The following MYOM2 variants were observed in gnomAD, a reference collection of about 807,000 sequenced individuals.
MYOM2 encodes myomesin-2.
In MYOM2, 254 loss-of-function variants were observed where a neutral mutation model predicts 187.6. The ratio of observed to expected loss-of-function variants is 1.35; its 90% CI spans 1.22 to 1.50. The LOEUF is 1.50. Ranked by LOEUF, MYOM2 falls within the 40% of genes most tolerant of loss-of-function variation. MYOM2 has a pLI of 0.00. For synonymous variants in MYOM2, 981 were observed against 753.8 expected, an observed-to-expected ratio of 1.30 and a Z score of -4.94; for missense variants, 2,796 against 1,924.0, an observed-to-expected ratio of 1.45 and a Z score of -8.48.
rs529885262 is a variant in MYOM2, at chr8:2,142,524, C to T, written c.4024+127C>T. On this transcript the variant is annotated intron_variant, in intron 35 of 36. Transcript: ENST00000262113. ...GCAATCCCCCACCCTGATGTAACAA[C>T]GCCACCAACACCACACCCTGTCCTG... The T allele has an allele frequency of 3.1e-4, 281 of 895,590 alleles. 1 individual carries two copies. The highest frequency in any genetic ancestry group is 2.4e-4 in the African/African-American group (15 of 61,382). 55.5% of individuals were successfully genotyped at this position (895,590 alleles called of 1,614,324 possible).
At position 2,078,779 on chromosome 8, in the gene MYOM2, G is replaced by T; in HGVS notation, c.1308G>T (p.Pro436=). 1.2e-6 allele frequency: 2 copies of T among 1,614,140 alleles called. No individual in the cohort carries two copies. Among genetic ancestry groups the T allele is most frequent in the East Asian group, 2.2e-5 (1 of 44,878 alleles). ...TNNWVQCNDA[P]VKICKYPVTG... ...ATTGGGTGCAGTGCAATGATGCACC[G>T]GTGAAAATCTGCAAATACCCGGTCA... The change falls in exon 12 of 37, where the codon CCG becomes CCT. Residue 436 remains proline, a synonymous_variant. Coordinates refer to ENST00000262113, the MANE Select transcript of MYOM2 (RefSeq NM_003970.4).
At chr8:2,073,010 G>T (rs1005549044) in intron 9 of MYOM2, among the ~76,000 whole-genome samples, 9 of 152,214 alleles carry the variant, frequency 5.9e-5, no homozygotes, top group African/African-American at 2.2e-4. Flanking sequence ...GCGGGGGGAA[G>T]CCGGTTGGGG....
chr8:2,120,680 T>TATATATATATATATATATAATA lies in MYOM2; in HGVS notation c.3454-2572_3454-2571insATATATATATATATATATAATA. Among the ~76,000 whole-genome samples the TATATATATATATATATATAATA allele has an allele frequency of 1.0e-4, 5 of 48,300 alleles. 1 individual carries two copies. Among genetic ancestry groups the TATATATATATATATATATAATA allele is most frequent in the Non-Finnish European group, 2.0e-4 (5 of 24,478 alleles). 31.7% of individuals were successfully genotyped at this position (48,300 alleles called of 152,430 possible). A position where few individuals can be genotyped will look rare whatever the true frequency, so the allele number is the denominator to read the frequency against. ...CCTGTATATATATATATATATTATA[T>TATATATATATATATATATAATA]TATATATAAATATATAATATATATA... is the stretch of plus-strand genomic sequence containing the variant. On this transcript the variant is annotated intron_variant, in intron 28 of 36. Coordinates refer to ENST00000262113, the MANE Select transcript of MYOM2 (RefSeq NM_003970.4).
intron 19 of MYOM2, 119 bp downstream of exon 19, chr8:2,099,102 G>A (rs1358029279): frequency 9.0e-6 from 12 of 1,327,986 alleles, no homozygotes; most frequent in South Asian, 1.6e-5. Flanking sequence ...TCCGACACCC[G>A]CAGCCGCAGA....
intron 10 of MYOM2, 96 bp downstream of exon 10, chr8:2,073,596 G>A: frequency 1.4e-6 from 2 of 1,398,002 alleles, no homozygotes; most frequent in East Asian, 2.5e-5. Flanking sequence ...AAGGAGTCCA[G>A]AGGGTGTGAG....
At chr8:2,133,747 C>G (rs191013519) in intron 32 of MYOM2, among the ~76,000 whole-genome samples, 1 of 151,166 alleles carries the variant, frequency 6.6e-6, no homozygotes, top group African/African-American at 2.5e-5. Flanking sequence ...AGGTGTGAGC[C>G]ACAGTGTCTG....
Position 2,123,329 on chromosome 8 carries a change from C to T in MYOM2, c.3531C>T (p.Asn1177=). The change falls in exon 29 of 37, where the codon AAC becomes AAT. Residue 1177 remains asparagine (N), a synonymous_variant. Transcript: ENST00000262113. ...TGTATGAAACGGAGACACTGCCTAA[C>T]CTGGAGAGGGGAATCTGTGAGCTCC... is the stretch of plus-strand genomic sequence containing the variant. ...DVLYETETLP[N]LERGICELLI... is the part of the protein sequence containing the mutation. 1 of 1,613,716 alleles carries T rather than the reference C, an allele frequency of 6.2e-7. No homozygotes were observed. The highest frequency in any genetic ancestry group is 1.1e-5 in the South Asian group (1 of 91,000).
intron 3 of MYOM2, among the ~76,000 whole-genome samples, chr8:2,055,281 C>A (rs1026067927): frequency 6.6e-6 from 1 of 152,178 alleles, no homozygotes; most frequent in Non-Finnish European, 1.5e-5. Context: ...GTGGCACGTG[C>A]TCTGCAGGAG....
intron 13 of MYOM2, among the ~76,000 whole-genome samples, chr8:2,084,469 C>T (rs1164168806): frequency 6.6e-6 from 1 of 152,136 alleles, no homozygotes; most frequent in South Asian, 2.1e-4. Flanking sequence ...TAATCATGTG[C>T]TAATCTAATT....
intron 19 of MYOM2, 55 bp from the exon 20 acceptor site, chr8:2,100,818 CGGT>C (rs1796681010): frequency 6.4e-7 from 1 of 1,574,138 alleles, no homozygotes; most frequent in African/African-American, 1.3e-5. Flanking sequence ...CTGGGTTGGG[CGGT>C]GGGTGTGCTG....
rs1266363929 is a variant in MYOM2 at position 2,144,860 on chromosome 8, G to C, written c.4277G>C (p.Gly1426Ala). 7 of 1,614,036 alleles carry C rather than the reference G, an allele frequency of 4.3e-6. No individual in the cohort carries two copies. The Middle Eastern group carries it at 6.6e-4, about 152-fold the overall frequency. ...ATCAACATCAAGAATAAGTATGGCG[G>C]GGAGAAGATCGACGTGACAGTGAGC... Reference protein sequence around the residue: ...YSINIKNKYGGEKIDVTVSVY... With the variant: ...YSINIKNKYGAEKIDVTVSVY... Residue 1426 changes from glycine (G) to alanine (A), a missense_variant, in exon 37 of 37, where the codon GGG becomes GCG. By Grantham distance (60) the Gly-to-Ala change is moderately conservative. Transcript: ENST00000262113.
rs1372390131 is a variant in MYOM2 at position 2,094,056 on chromosome 8, A to G, written c.2090A>G (p.Gln697Arg). Residue 697 changes from glutamine (Q) to arginine (R), a missense_variant, in exon 17 of 37, where the codon CAG becomes CGG. Coordinates refer to ENST00000262113, the MANE Select transcript of MYOM2 (RefSeq NM_003970.4). The stretch of plus-strand genomic sequence containing the variant: ...GCTGTGGGGATGAGTGAAAATTCCC[A>G]GGAATCAGACGTCATAAAAGTGCAG... ...VNAVGMSENSQESDVIKVQAA... is the reference protein window; with the variant it reads ...VNAVGMSENSRESDVIKVQAA... The G allele has an allele frequency of 1.2e-6, 2 of 1,614,094 alleles. No homozygotes were observed. Among genetic ancestry groups the G allele is most frequent in the African/African-American group, 2.7e-5 (2 of 74,918 alleles).
chr8:2,092,143 G>C (rs991831123), intron 15 of MYOM2, among the ~76,000 whole-genome samples: 2 of 152,002 alleles, frequency 1.3e-5, no homozygotes, highest in African/African-American at 4.8e-5. Flanking sequence ...AGCTTGGGAA[G>C]AGATCAGAGA....
chr8:2,141,955 C>G (rs1334080671), intron 34 of MYOM2, among the ~76,000 whole-genome samples: 1 of 152,098 alleles, frequency 6.6e-6, no homozygotes, highest in Non-Finnish European at 1.5e-5. Flanking sequence ...GACCGCAGTC[C>G]TTGGCCCATG....
At chr8:2,054,065 T>C (rs1218552644) in intron 3 of MYOM2, among the ~76,000 whole-genome samples, 1 of 152,218 alleles carries the variant, frequency 6.6e-6, no homozygotes, top group Non-Finnish European at 1.5e-5. Flanking sequence ...AGCAGCTCCA[T>C]GGATTCCAGC....
In MYOM2 at chr8:2,057,473, C is replaced by G. The variant is rs138240288; in HGVS notation, c.389C>G (p.Ala130Gly). ...GCCCGCGACAAGCTGGACAAATACG[C>G]CATTCAGCAGATGGTAGGAGGGTCT... Reference protein sequence around the residue: ...SQARDKLDKYAIQQMMEDKLA... With the variant: ...SQARDKLDKYGIQQMMEDKLA... Residue 130 changes from alanine (A) to glycine (G), a missense_variant, in exon 4 of 37, where the codon GCC (alanine) becomes GGC (glycine). By Grantham distance (60) the Ala-to-Gly change is moderately conservative. Transcript: ENST00000262113. 2,057 of 1,613,986 alleles carry G rather than the reference C, an allele frequency of 1.3e-3. 4 individuals are homozygous for G. The highest frequency in any genetic ancestry group is 3.0e-3 in the Middle Eastern group (18 of 6,060).
rs367785041 is a variant in MYOM2 at position 2,073,421 on chromosome 8, G to T, written c.1041G>T (p.Lys347Asn). The change falls in exon 10 of 37, where the codon AAG becomes AAT. Residue 347 changes from lysine (K) to asparagine (N), a missense_variant. Transcript: ENST00000262113. ...CCCTGTCCTTCAGCCACCTGCACAA[G>T]GACGACGAGGGCCTGTACACCCTGC... is the stretch of plus-strand genomic sequence containing the variant. ...QASLSFSHLH[K>N]DDEGLYTLRI... 221 of 1,613,060 alleles carry T rather than the reference G, an allele frequency of 1.4e-4. No individual in the cohort carries two copies. Among genetic ancestry groups the T allele is most frequent in the Non-Finnish European group, 1.8e-4 (212 of 1,179,864 alleles).
rs1819794960 is a variant in MYOM2 at position 2,085,468 on chromosome 8, GCTGTCGTGATCTCCGCGTGGCCCCTCA to G, written c.1644+83_1644+109del. The G allele has an allele frequency of 2.8e-6, 4 of 1,416,528 alleles. No individual in the cohort carries two copies. In the African/African-American group the frequency reaches 5.3e-5, roughly 19 times the overall value. 87.7% of individuals were successfully genotyped at this position (1,416,528 alleles called of 1,614,324 possible). A position where few individuals can be genotyped will look rare whatever the true frequency, so the allele number is the denominator to read the frequency against. On this transcript the variant is annotated intron_variant, in intron 14 of 36. Transcript: ENST00000262113. Reference sequence around the variant, plus strand: ...TGTCATGATCTCTGCGTGGCCCACCGCTGTCGTGATCTCCGCGTGGCCCCTCACTGTTGTGATCTCCGCGTGGCCCCC... The same window carrying G: ...TGTCATGATCTCTGCGTGGCCCACCGCTGTTGTGATCTCCGCGTGGCCCCC...
intron 1 of MYOM2, among the ~76,000 whole-genome samples, chr8:2,046,243 A>T (rs1458252532): frequency 6.6e-6 from 1 of 152,236 alleles, no homozygotes; most frequent in Non-Finnish European, 1.5e-5. Flanking sequence ...CATCCTGGTG[A>T]CATGAGGAAT....
Sources: gnomAD v4.1 joint callset for allele counts (sites outside exome capture counted in the v4.1 genomes callset) on GRCh38, gnomAD v4.1.1 for gene constraint, MANE v1.5 for transcripts, NCBI Gene and HGNC (gene_info 2026-07-23, HGNC 2026-07-21) for gene names.